WDR72: variants seen among roughly 807,000 people sequenced by gnomAD.
WDR72 encodes the protein WD repeat domain 72.
A neutral mutation model predicts 124.2 loss-of-function variants in WDR72; 120 were observed. That is an observed-to-expected ratio of 0.97 (90% confidence interval 0.83 to 1.12). The LOEUF (loss-of-function observed/expected upper bound fraction) is 1.12. Among genes scored for constraint, WDR72 ranks in the 50% most tolerant of loss-of-function variants. The pLI is 0.00. For missense variants in WDR72, 1,387 were observed against 1,278.8 expected, an observed-to-expected ratio of 1.08 and a Z score of -1.29; for synonymous variants, 452 against 441.7, an observed-to-expected ratio of 1.02 and a Z score of -0.29.
chr15:53,716,416 T>C (rs1337521732), intron 4 of WDR72, among the ~76,000 whole-genome samples, 191 bp downstream of exon 4: 1 of 152,218 alleles, frequency 6.6e-6, no homozygotes, highest in Non-Finnish European at 1.5e-5. Context: ...GAAAATCTGC[T>C]TGAATAATAC....
At chr15:53,706,521 G>C (rs2017385650) in intron 9 of WDR72, among the ~76,000 whole-genome samples, 1 of 151,276 alleles carries the variant, frequency 6.6e-6, no homozygotes, top group Admixed American at 6.6e-5. Context: ...GGAATGAAGA[G>C]ATTGATTTGT....
rs1257607223 is a variant in WDR72 at position 53,710,957 on chromosome 15, C to A, written c.858-4G>T. 2.5e-6 allele frequency: 4 copies of A among 1,611,488 alleles called. No homozygotes were observed. Among genetic ancestry groups the A allele is most frequent in the South Asian group, 2.2e-5 (2 of 91,052 alleles). The stretch of plus-strand genomic sequence containing the variant: ...GTATATGCTTTTTGAAAGCCCACTG[C>A]GTGGCAAAAATAAAAAGCAAAGTTT... On this transcript the variant is annotated splice_region_variant and splice_polypyrimidine_tract_variant and intron_variant, in intron 8 of 19. Coordinates refer to ENST00000360509, the MANE Select transcript of WDR72 (RefSeq NM_182758.4).
chr15:53,611,358 C>CT (rs1206446224), intron 16 of WDR72, among the ~76,000 whole-genome samples: 1 of 152,056 alleles, frequency 6.6e-6, no homozygotes, highest in Non-Finnish European at 1.5e-5. Context: ...GCTGCTTAGG[C>CT]TTTTTGCTGG....
intron 14 of WDR72, among the ~76,000 whole-genome samples, chr15:53,649,398 G>A (rs906090422): frequency 2.0e-5 from 3 of 151,842 alleles, no homozygotes; most frequent in Non-Finnish European, 1.5e-5. Flanking sequence ...TATTTTTTCT[G>A]GGCAAAAATG....
chr15:53,669,380 G>T (rs757754878), intron 13 of WDR72, among the ~76,000 whole-genome samples: 3 of 152,202 alleles, frequency 2.0e-5, no homozygotes, highest in East Asian at 1.9e-4. Context: ...TTAGCCCTAG[G>T]GGGTGGAGGG....
At position 53,697,965 on chromosome 15, in the gene WDR72, T is replaced by C. The variant is rs1283664961; in HGVS notation, c.1765+1785A>G. ...CTGGGACTACAGGTGCCCGCCACCA[T>C]GCCCGGCTAATTTTTTTATATTTTT... On this transcript the variant is annotated intron_variant, in intron 13 of 19. Transcript: ENST00000360509. Among the ~76,000 whole-genome samples the C allele has an allele frequency of 2.6e-5, 4 of 152,264 alleles. No homozygotes were observed. The East Asian group carries it at 7.7e-4, about 29-fold the overall frequency.
intron 18 of WDR72, among the ~76,000 whole-genome samples, chr15:53,548,539 C>G (rs556723492): frequency 1.3e-5 from 2 of 151,812 alleles, no homozygotes; most frequent in East Asian, 1.9e-4. Context: ...GCTCCATTTA[C>G]TAATTTATAA....
chr15:53,699,688 C>G (rs1233972390), intron 13 of WDR72, 62 bp downstream of exon 13: 1 of 1,569,984 alleles, frequency 6.4e-7, no homozygotes, highest in Non-Finnish European at 8.7e-7. Context: ...AACTTTCCAT[C>G]TGGTCAAATG....
intron 1 of WDR72, among the ~76,000 whole-genome samples, chr15:53,742,933 A>C (rs1487979766): frequency 2.0e-5 from 3 of 152,220 alleles, no homozygotes; most frequent in Non-Finnish European, 4.4e-5. Flanking sequence ...TAATTATATA[A>C]ACAACCAAAC....
chr15:53,535,695 C>T (rs1051871739), intron 18 of WDR72, among the ~76,000 whole-genome samples: 1 of 152,126 alleles, frequency 6.6e-6, no homozygotes, highest in African/African-American at 2.4e-5. Flanking sequence ...AACAAACATG[C>T]TTTAGAATTC....
At chr15:53,590,430 G>C (rs113565596) in intron 18 of WDR72, among the ~76,000 whole-genome samples, 87 of 151,992 alleles carry the variant, frequency 5.7e-4, no homozygotes, top group Non-Finnish European at 1.3e-4. Context: ...GCTTTGCAGA[G>C]ACTGCATATC....
intron 9 of WDR72, among the ~76,000 whole-genome samples, chr15:53,706,331 CGTGT>C (rs58315386): frequency 2.1e-3 from 108 of 51,568 alleles, no homozygotes; most frequent in South Asian, 5.4e-3. Context: ...GTTATATGTG[CGTGT>C]GTGTGTGTGT....
Position 53,609,508 on chromosome 15 carries a change from C to T in WDR72, c.2952+5G>A, listed in dbSNP as rs757892780. ...ATAACGTCATGAATGTGAATTATAT[C>T]ATACCTGCACAGACTGGTCTCTCCA... On this transcript the variant is annotated splice_donor_5th_base_variant and intron_variant, in intron 17 of 19. Coordinates refer to ENST00000360509, the MANE Select transcript of WDR72 (RefSeq NM_182758.4). 6.2e-7 allele frequency: 1 copy of T among 1,612,374 alleles called. No individual in the cohort carries two copies. Among genetic ancestry groups the T allele is most frequent in the East Asian group, 2.2e-5 (1 of 44,818 alleles).
In WDR72 at chr15:53,582,607, C is replaced by T. The variant is rs190937081; in HGVS notation, c.3148+14472G>A. ...CTAATTTAAAAAAAAGAATCAAAAA[C>T]CCACTTTAATTGAATATTTAATAGA... On this transcript the variant is annotated intron_variant, in intron 18 of 19. Coordinates refer to ENST00000360509, the MANE Select transcript of WDR72 (RefSeq NM_182758.4). Among the ~76,000 whole-genome samples the T allele has an allele frequency of 1.9e-3, 285 of 151,940 alleles. 1 individual carries two copies. The highest frequency in any genetic ancestry group is 6.7e-3 in the African/African-American group (279 of 41,476).
chr15:53,551,956 T>G (rs966827724), intron 18 of WDR72, among the ~76,000 whole-genome samples: 1 of 152,122 alleles, frequency 6.6e-6, no homozygotes, highest in Admixed American at 6.6e-5. Flanking sequence ...TTTAGTATAA[T>G]AGTCTTTTGA....
intron 14 of WDR72, among the ~76,000 whole-genome samples, chr15:53,623,611 A>G (rs1380475197): frequency 6.6e-6 from 1 of 152,152 alleles, no homozygotes; most frequent in East Asian, 1.9e-4. Context: ...TAGTGCTGCA[A>G]TGAACATACA....
chr15:53,676,924 C>CTT (rs544909977), intron 13 of WDR72, among the ~76,000 whole-genome samples: 2,443 of 135,536 alleles, frequency 0.018, 91 homozygotes, highest in African/African-American at 0.059. Context: ...GAAATTCTTG[C>CTT]TTTTTTTTTT....
At chr15:53,532,060 C>G (rs571095483) in intron 18 of WDR72, among the ~76,000 whole-genome samples, 2 of 152,144 alleles carry the variant, frequency 1.3e-5, no homozygotes, top group Admixed American at 6.5e-5. Flanking sequence ...ATACACTAAT[C>G]GTTAGAGAAA....
rs1403812763 is a variant in WDR72, at chr15:53,716,619, G to T, written c.327C>A (p.His109Gln). 8 of 1,607,006 alleles carry T rather than the reference G, an allele frequency of 5.0e-6. No individual in the cohort carries two copies. Among genetic ancestry groups the T allele is most frequent in the Non-Finnish European group, 6.8e-6 (8 of 1,173,630 alleles). Reference protein sequence around the residue: ...CMEKATLPYRHTAICYYHCSF... With the variant: ...CMEKATLPYRQTAICYYHCSF... ...TGAGTGTACTTACACAGATTGCAGT[G>T]TGCCTGTAAGGAAGTGTAGCCTTCT... Residue 109 changes from histidine (H) to glutamine (Q), a missense_variant, in exon 4 of 20, where the codon CAC becomes CAA. Physicochemically the swap from His to Gln is conservative, Grantham distance 24 (BLOSUM62 0). Coordinates refer to ENST00000360509, the MANE Select transcript of WDR72 (RefSeq NM_182758.4).
Sources: gnomAD v4.1 joint callset for allele counts (sites outside exome capture counted in the v4.1 genomes callset) on GRCh38, gnomAD v4.1.1 for gene constraint, MANE v1.5 for transcripts, NCBI Gene and HGNC (gene_info 2026-07-23, HGNC 2026-07-21) for gene names.